The following DMD variants were observed in gnomAD, a reference collection of about 807,000 sequenced individuals.
The protein encoded by DMD is mutant dystrophin.
In DMD, 63 loss-of-function variants were observed where a neutral mutation model predicts 330.1. The observed-to-expected ratio is 0.19, with a 90% CI of 0.16 to 0.24. The LOEUF (loss-of-function observed/expected upper bound fraction) is 0.24. DMD is among the 10% of genes least tolerant of loss of function. The probability of loss-of-function intolerance (pLI) is 1.00; values close to 1 mark genes in which losing one functional copy is unlikely to be tolerated. For synonymous variants in DMD, 1,223 were observed against 959.8 expected (o/e 1.27, Z -5.07); for missense variants, 3,344 against 2,684.1 (o/e 1.25, Z -5.43).
At position 32,408,559 on chromosome X, in the gene DMD, T is replaced by C. The variant is rs752073691; in HGVS notation, c.4233+3193A>G. Among the ~76,000 whole-genome samples, 5 of 111,508 alleles carry C rather than the reference T, an allele frequency of 4.5e-5. No homozygotes were observed. The South Asian group carries it at 1.1e-3, about 25-fold the overall frequency. On this transcript the variant is annotated intron_variant, in intron 30 of 78. Coordinates refer to ENST00000357033, the MANE Select transcript of DMD (RefSeq NM_004006.3). Reference sequence around the variant, plus strand: ...AATGCTCTAAAAGATTCAAATTAACTAGCAAAACTCTCAGTGCACCACACG... The same window carrying C: ...AATGCTCTAAAAGATTCAAATTAACCAGCAAAACTCTCAGTGCACCACACG...
chrX:32,199,780 T>TTTTGTG (rs1488137879), intron 44 of DMD, among the ~76,000 whole-genome samples: 1 of 84,137 alleles, frequency 1.2e-5, no homozygotes, highest in African/African-American at 4.7e-5. Flanking sequence ...CGCAAGGCTT[T>TTTTGTG]TGTGTGTGTG....
chrX:32,935,041 C>G lies in DMD; in HGVS notation c.93+85098G>C, dbSNP rs768559088. 9.7e-5 allele frequency among the ~76,000 whole-genome samples: 11 copies of G among 113,128 alleles called. No individual in the cohort carries two copies. In the South Asian group the frequency reaches 3.6e-3, roughly 37 times the overall value. On this transcript the variant is annotated intron_variant, in intron 2 of 78. Transcript: ENST00000357033. ...TTCCCCAGGCTGGAGCGCAGTGGCG[C>G]GATCTCGGCTCACTGCAAGCTCCGC...
chrX:32,487,458 A>T (rs2148605595), intron 20 of DMD, among the ~76,000 whole-genome samples: 1 of 111,591 alleles, frequency 9.0e-6, no homozygotes, highest in South Asian at 3.8e-4. Flanking sequence ...GAGAAAATGG[A>T]AAGAATTATA....
chrX:32,117,883 T>C (rs768401429), intron 44 of DMD, among the ~76,000 whole-genome samples: 2 of 111,729 alleles, frequency 1.8e-5, no homozygotes, highest in Non-Finnish European at 3.8e-5. Flanking sequence ...TTTCTGTTAA[T>C]GCCCAGAGAT....
intron 61 of DMD, among the ~76,000 whole-genome samples, chrX:31,337,666 A>G (rs180981253): frequency 1.3e-3 from 150 of 112,265 alleles, no homozygotes; most frequent in African/African-American, 4.6e-3. Context: ...TTTTCTGGGT[A>G]GTGTAAAAAT....
intron 4 of DMD, among the ~76,000 whole-genome samples, chrX:32,834,907 A>G (rs1360731566): frequency 2.7e-5 from 3 of 111,616 alleles, no homozygotes; most frequent in Admixed American, 9.6e-5. Context: ...CAAGGAAATC[A>G]TAAGAGGGAA....
intron 62 of DMD, among the ~76,000 whole-genome samples, chrX:31,310,112 C>A (rs756081579): frequency 7.3e-5 from 8 of 109,441 alleles, no homozygotes; most frequent in African/African-American, 2.7e-4. Context: ...TTCACATCCC[C>A]CAGGGAATAA....
chrX:32,508,286 C>A (rs1164354029), intron 18 of DMD, among the ~76,000 whole-genome samples: 1 of 111,439 alleles, frequency 9.0e-6, no homozygotes, highest in African/African-American at 3.3e-5. Flanking sequence ...TCTGTTAGGG[C>A]ACATTACTTT....
At chrX:31,674,987 T>A (rs757594358) in intron 53 of DMD, among the ~76,000 whole-genome samples, 1 of 112,792 alleles carries the variant, frequency 8.9e-6, no homozygotes, top group African/African-American at 3.2e-5. Context: ...GAAAATCTTG[T>A]ATGTTTTTGC....
chrX:31,387,440 C>T (rs750083811), intron 60 of DMD, among the ~76,000 whole-genome samples: 6 of 110,676 alleles, frequency 5.4e-5, no homozygotes, highest in Non-Finnish European at 1.1e-4. Flanking sequence ...CGCTCTGTCA[C>T]CCAGGCTGGA....
chrX:32,406,191 T>A (rs1053945605), intron 30 of DMD, among the ~76,000 whole-genome samples: 1 of 111,615 alleles, frequency 9.0e-6, no homozygotes, highest in African/African-American at 3.3e-5. Flanking sequence ...AATCATGTCA[T>A]CTGCAAACAG....
Position 31,729,638 on chromosome X carries a change from C to G in DMD, c.7653G>C (p.Thr2551=), listed in dbSNP as rs368803197. Residue 2551 remains threonine (T), a synonymous_variant, in exon 52 of 79, where the codon ACG becomes ACC. Coordinates refer to ENST00000357033, the MANE Select transcript of DMD (RefSeq NM_004006.3). ...TSNQEARTII[T]DRIERIQNQW... ...GCTTGTTAAAAAACTTACTTCGATC[C>G]GTAATGATTGTTCTAGCCTCTTGAT... 4.1e-6 allele frequency: 5 copies of G among 1,206,316 alleles called. No individual in the cohort carries two copies. Among genetic ancestry groups the G allele is most frequent in the Non-Finnish European group, 5.6e-6 (5 of 892,121 alleles).
intron 57 of DMD, among the ~76,000 whole-genome samples, chrX:31,492,837 G>C (rs1415620290): frequency 9.9e-6 from 1 of 101,399 alleles, no homozygotes; most frequent in Non-Finnish European, 2.0e-5. Flanking sequence ...AAAACATATG[G>C]ACACAGGGAG....
intron 53 of DMD, among the ~76,000 whole-genome samples, chrX:31,674,256 AT>A: frequency 8.9e-6 from 1 of 112,387 alleles, no homozygotes; most frequent in Non-Finnish European, 1.9e-5. Context: ...CTACTTCCAT[AT>A]TTGAAAAATG....
chrX:31,797,914 A>T lies in DMD; in HGVS notation c.7309+22061T>A, dbSNP rs183534774. On this transcript the variant is annotated intron_variant, in intron 50 of 78. Transcript: ENST00000357033. ...GGTTTCAAGAAAACAAAGAATCTTC[A>T]GTGAGAGGAGCTGAAGACAGGCGTG... 3.0e-3 allele frequency among the ~76,000 whole-genome samples: 335 copies of T among 112,227 alleles called. 2 individuals carry two copies. The highest frequency in any genetic ancestry group is 9.6e-3 in the African/African-American group (297 of 30,951).
At chrX:31,833,301 GGAGA>G (rs1169966375) in intron 49 of DMD, among the ~76,000 whole-genome samples, 1 of 15,253 alleles carries the variant, frequency 6.6e-5, no homozygotes, top group African/African-American at 6.8e-4. Flanking sequence ...AGGGAGAGAG[GGAGA>G]GAGGGAGAGA....
At chrX:32,275,264 T>C in intron 43 of DMD, among the ~76,000 whole-genome samples, 1 of 111,762 alleles carries the variant, frequency 8.9e-6, no homozygotes, top group East Asian at 2.8e-4. Context: ...TGGAGGGAGA[T>C]TATAATAAAT....
intron 1 of DMD, among the ~76,000 whole-genome samples, chrX:33,264,042 T>C (rs1241312960): frequency 9.0e-6 from 1 of 110,769 alleles, no homozygotes; most frequent in Non-Finnish European, 1.9e-5. Context: ...TTGCCTCTGC[T>C]GGATGAAAGA....
chrX:32,976,966 A>G (rs2092569237), intron 2 of DMD, among the ~76,000 whole-genome samples: 1 of 111,263 alleles, frequency 9.0e-6, no homozygotes, highest in Non-Finnish European at 1.9e-5. Context: ...GTTAAAACCT[A>G]TACGGTACAT....
Sources: allele counts gnomAD v4.1 joint callset (sites outside exome capture counted in the v4.1 genomes callset), GRCh38; gene constraint gnomAD v4.1.1; transcripts MANE v1.5; gene names NCBI Gene and HGNC (gene_info 2026-07-23, HGNC 2026-07-21).